The following OSBPL6 variants were observed in gnomAD, a reference collection of about 807,000 sequenced individuals.
OSBPL6 encodes the protein oxysterol-binding protein-related protein 6.
Under a neutral mutation model 125.8 loss-of-function variants are expected in OSBPL6, and 49 were observed. The observed-to-expected ratio is 0.39, with a 90% CI of 0.31 to 0.49. The LOEUF (loss-of-function observed/expected upper bound fraction) is 0.49. OSBPL6 is among the 20% of genes least tolerant of loss of function. The probability of loss-of-function intolerance (pLI) is 0.88; values close to 1 mark genes in which losing one functional copy is unlikely to be tolerated. For synonymous variants in OSBPL6, 394 were observed against 391.8 expected, an observed-to-expected ratio of 1.01 and a Z score of -0.07; for missense variants, 986 against 1,135.4, an observed-to-expected ratio of 0.87 and a Z score of 1.89.
chr2:178,212,283 C>T (rs2153956876), intron 1 of OSBPL6, among the ~76,000 whole-genome samples: 1 of 152,294 alleles, frequency 6.6e-6, no homozygotes. Context: ...TATGTCCTTT[C>T]CTGGAGCCCG....
chr2:178,375,650 C>T (rs1413547302), intron 15 of OSBPL6, among the ~76,000 whole-genome samples: 5 of 152,116 alleles, frequency 3.3e-5, no homozygotes, highest in Non-Finnish European at 7.4e-5. Context: ...CTCGAAATCC[C>T]GACCTCAGGT....
intron 8 of OSBPL6, among the ~76,000 whole-genome samples, chr2:178,335,899 G>T (rs1015622621): frequency 1.1e-4 from 17 of 152,222 alleles, no homozygotes; most frequent in Non-Finnish European, 7.3e-5. Flanking sequence ...ACATGTGGTT[G>T]AGGAGAACTT....
rs781517945 is a variant in OSBPL6, at chr2:178,399,145, G to A, written c.*3586G>A. ...ATTTCTATGGGAGCCATTATGTTCA[G>A]GATATATAAAATGTATCTAATTAAA... On this transcript the variant is annotated 3_prime_UTR_variant, in exon 25 of 25. Transcript: ENST00000190611. 28 of 152,080 alleles carry A rather than the reference G, an allele frequency of 1.8e-4. No homozygotes were observed. The highest frequency in any genetic ancestry group is 3.4e-4 in the Non-Finnish European group (23 of 68,020). The allele number at this position is 152,080 out of a possible 1,614,324, so 9.4% of individuals were successfully genotyped here.
chr2:178,347,969 G>T (rs1690881941), intron 11 of OSBPL6, among the ~76,000 whole-genome samples: 2 of 152,120 alleles, frequency 1.3e-5, no homozygotes. Flanking sequence ...ATAAATCCCT[G>T]CCAGGACAAT....
At chr2:178,343,064 A>G (rs896715940) in intron 11 of OSBPL6, among the ~76,000 whole-genome samples, 6 of 152,226 alleles carry the variant, frequency 3.9e-5, no homozygotes, top group African/African-American at 1.4e-4. Flanking sequence ...GAAGATGGAA[A>G]ATAAATAAGA....
Position 178,395,513 on chromosome 2 carries a change from G to A in OSBPL6, c.2759G>A (p.Arg920Gln), listed in dbSNP as rs759571487. 3.1e-6 allele frequency: 5 copies of A among 1,613,798 alleles called. No individual in the cohort carries two copies. Among genetic ancestry groups the A allele is most frequent in the East Asian group, 2.2e-5 (1 of 44,868 alleles). The change falls in exon 25 of 25, where the codon CGA (arginine) becomes CAA (glutamine). Residue 920 changes from arginine to glutamine, a missense_variant. By Grantham distance (43) the Arg-to-Gln change is conservative. This residue lies in a region of OSBPL6 where 843 missense variants were observed against 997.3 expected (regional missense o/e 0.85). Transcript: ENST00000190611. ...TCTAACGACACCTACTGGGAGCTTCGAAAGGACCCTGGGTTTAGCAAAGTA... is the reference window on the plus strand; with the variant it reads ...TCTAACGACACCTACTGGGAGCTTCAAAAGGACCCTGGGTTTAGCAAAGTA... ...WVSNDTYWEL[R>Q]KDPGFSKVDS... is the part of the protein sequence containing the mutation.
intron 1 of OSBPL6, among the ~76,000 whole-genome samples, chr2:178,281,730 A>G (rs1272266916): frequency 1.3e-5 from 2 of 149,306 alleles, no homozygotes; most frequent in African/African-American, 4.9e-5. Flanking sequence ...GTTCTCACTT[A>G]TAAGTGGGAG....
intron 13 of OSBPL6, among the ~76,000 whole-genome samples, chr2:178,370,934 A>G (rs1201613722): frequency 1.3e-5 from 2 of 152,236 alleles, no homozygotes; most frequent in South Asian, 2.1e-4. Flanking sequence ...TCTGTGCTCC[A>G]TGCTCAAGGA....
At chr2:178,224,662 T>G (rs2090476365) in intron 1 of OSBPL6, among the ~76,000 whole-genome samples, 1 of 152,194 alleles carries the variant, frequency 6.6e-6, no homozygotes, top group African/African-American at 2.4e-5. Flanking sequence ...TGGCCAGGTG[T>G]GGTGGCTTAA....
chr2:178,342,744 AT>A (rs1189857784), intron 11 of OSBPL6, among the ~76,000 whole-genome samples: 1 of 152,218 alleles, frequency 6.6e-6, no homozygotes, highest in Middle Eastern at 3.2e-3. Context: ...GAAGGAAATG[AT>A]TTTGAAAGAG....
At chr2:178,359,908 C>G (rs1307998236) in intron 12 of OSBPL6, among the ~76,000 whole-genome samples, 1 of 152,100 alleles carries the variant, frequency 6.6e-6, no homozygotes, top group African/African-American at 2.4e-5. Context: ...GTCAACATGG[C>G]AAATCCCGTC....
At chr2:178,351,648 A>T (rs917134386) in intron 12 of OSBPL6, among the ~76,000 whole-genome samples, 17 of 152,246 alleles carry the variant, frequency 1.1e-4, no homozygotes, top group African/African-American at 2.9e-4. Flanking sequence ...GAGTGTTCAT[A>T]CTTGCAGCCA....
chr2:178,201,598 C>G (rs2089263603), intron 1 of OSBPL6, among the ~76,000 whole-genome samples: 1 of 152,134 alleles, frequency 6.6e-6, no homozygotes, highest in Non-Finnish European at 1.5e-5. Context: ...TTAGTCTTTC[C>G]AGCATTACCC....
rs969805020 is a variant in OSBPL6, at chr2:178,400,283, A to C, written c.*4724A>C. On this transcript the variant is annotated 3_prime_UTR_variant, in exon 25 of 25. Coordinates refer to ENST00000190611, the MANE Select transcript of OSBPL6 (RefSeq NM_032523.4). ...TTGTTAATTTTATTGATATTGCTGT[A>C]CTTTTTTTTTTTTTTTTGAGACAGA... 7.2e-6 allele frequency: 1 copy of C among 139,524 alleles called. No homozygotes were observed. The highest frequency in any genetic ancestry group is 2.7e-5 in the African/African-American group (1 of 36,716). The allele number at this position is 139,524 out of a possible 1,614,324, so 8.6% of individuals were successfully genotyped here. A position where few individuals can be genotyped will look rare whatever the true frequency, so the allele number is the denominator to read the frequency against.
chr2:178,357,725 C>T (rs572050578), intron 12 of OSBPL6, among the ~76,000 whole-genome samples: 4 of 152,130 alleles, frequency 2.6e-5, no homozygotes, highest in African/African-American at 4.8e-5. Flanking sequence ...CTAGCAATCC[C>T]GTTACTGGGT....
At chr2:178,387,764 G>A (rs1374532100) in intron 20 of OSBPL6, among the ~76,000 whole-genome samples, 2 of 152,202 alleles carry the variant, frequency 1.3e-5, no homozygotes, top group East Asian at 3.8e-4. Flanking sequence ...CAGCACTTTG[G>A]GAGGCTGAGG....
intron 3 of OSBPL6, among the ~76,000 whole-genome samples, chr2:178,309,392 G>A (rs1559229057): frequency 6.6e-6 from 1 of 152,116 alleles, no homozygotes; most frequent in African/African-American, 2.4e-5. Flanking sequence ...TTAAAGACCT[G>A]CAACAACATT....
chr2:178,221,552 G>A (rs1039498774), intron 1 of OSBPL6, among the ~76,000 whole-genome samples: 2 of 152,196 alleles, frequency 1.3e-5, no homozygotes, highest in Admixed American at 6.5e-5. Context: ...GATTATGTAC[G>A]TGTCACACAT....
chr2:178,387,155 C>T lies in OSBPL6; in HGVS notation c.2156+16C>T, dbSNP rs1447789581. ...TGCTTCCAAAGTAGGTGACTCACAC[C>T]TCCCTTTTGGCCTCTTGTCTGCTTT... On this transcript the variant is annotated intron_variant, in intron 20 of 24. Transcript: ENST00000190611. 1 of 1,581,240 alleles carries T rather than the reference C, an allele frequency of 6.3e-7. No homozygotes were observed. The highest frequency in any genetic ancestry group is 8.7e-7 in the Non-Finnish European group (1 of 1,151,308).
Sources: allele counts gnomAD v4.1 joint callset (sites outside exome capture counted in the v4.1 genomes callset), GRCh38; gene constraint gnomAD v4.1.1; regional missense constraint gnomAD v4.1.1; transcripts MANE v1.5; gene names NCBI Gene and HGNC (gene_info 2026-07-23, HGNC 2026-07-21).